The following CNOT4 variants were observed in gnomAD, a reference collection of about 807,000 sequenced individuals.
The protein encoded by CNOT4 is CCR4-associated factor 4.
A neutral mutation model predicts 73.8 loss-of-function variants in CNOT4; 8 were observed. That is an observed-to-expected ratio of 0.11 (90% CI 0.06 to 0.20). The LOEUF is 0.20. Among genes scored for constraint, CNOT4 ranks in the 10% least tolerant of loss-of-function variants. The pLI is 1.00. For synonymous variants in CNOT4, 293 were observed against 321.1 expected (o/e 0.91, Z 0.94); for missense variants, 564 against 883.4 (o/e 0.64, Z 4.58).
In CNOT4 at chr7:135,371,188, C is replaced by T. The variant is rs112277937; in HGVS notation, c.1628-7122G>A. Among the ~76,000 whole-genome samples, 4 of 152,220 alleles carry T rather than the reference C, an allele frequency of 2.6e-5. 1 individual carries two copies. Among genetic ancestry groups the T allele is most frequent in the African/African-American group, 9.6e-5 (4 of 41,532 alleles). Reference sequence around the variant, plus strand: ...GCACTGTAGTTTAAAGAATTTGTCCCAGGTTATGGAGTTAAAGTGTTGCAG... The same window carrying T: ...GCACTGTAGTTTAAAGAATTTGTCCTAGGTTATGGAGTTAAAGTGTTGCAG... On this transcript the variant is annotated intron_variant, in intron 10 of 11. Coordinates refer to ENST00000541284, the MANE Select transcript of CNOT4 (RefSeq NM_001190850.2).
chr7:135,491,842 T>C (rs1448742494), intron 1 of CNOT4, among the ~76,000 whole-genome samples: 2 of 151,948 alleles, frequency 1.3e-5, no homozygotes, highest in African/African-American at 4.8e-5. Context: ...TCTATAGGAG[T>C]TACATACTAC....
At chr7:135,490,402 G>A (rs1803029101) in intron 1 of CNOT4, among the ~76,000 whole-genome samples, 1 of 152,178 alleles carries the variant, frequency 6.6e-6, no homozygotes, top group African/African-American at 2.4e-5. Context: ...TCTTGGCAGA[G>A]GTTGGAGGAA....
intron 1 of CNOT4, among the ~76,000 whole-genome samples, chr7:135,463,284 TCCCAGCA>T (rs1157084828): frequency 2.0e-5 from 3 of 152,140 alleles, no homozygotes; most frequent in African/African-American, 7.2e-5. Flanking sequence ...ATGCCTGTAA[TCCCAGCA>T]CTTTGGGAGG....
At chr7:135,406,969 G>A (rs1374061266) in intron 7 of CNOT4, among the ~76,000 whole-genome samples, 3 of 152,224 alleles carry the variant, frequency 2.0e-5, no homozygotes, top group African/African-American at 7.2e-5. Context: ...ATAATCCCCA[G>A]TGTTGAAGGT....
At chr7:135,492,415 A>G (rs1803169039) in intron 1 of CNOT4, among the ~76,000 whole-genome samples, 1 of 152,242 alleles carries the variant, frequency 6.6e-6, no homozygotes, top group Non-Finnish European at 1.5e-5. Flanking sequence ...AGGCATATGC[A>G]ATATGACTGG....
At chr7:135,420,577 C>CAAAAAAA in intron 3 of CNOT4, among the ~76,000 whole-genome samples, 1 of 53,370 alleles carries the variant, frequency 1.9e-5, no homozygotes, top group Non-Finnish European at 3.5e-5. Flanking sequence ...ACCATGTCTC[C>CAAAAAAA]AAAAAAAAAA....
chr7:135,466,509 T>C (rs1369348205), intron 1 of CNOT4, among the ~76,000 whole-genome samples: 1 of 150,728 alleles, frequency 6.6e-6, no homozygotes, highest in Non-Finnish European at 1.5e-5. Flanking sequence ...AATATAAAAA[T>C]GTTAAAGCAG....
At chr7:135,472,923 C>T (rs996868758) in intron 1 of CNOT4, among the ~76,000 whole-genome samples, 7 of 151,870 alleles carry the variant, frequency 4.6e-5, no homozygotes, top group Non-Finnish European at 7.4e-5. Context: ...TGCCTACAGT[C>T]CCAGCTACAT....
chr7:135,385,650 C>G (rs1041681819), intron 10 of CNOT4, among the ~76,000 whole-genome samples: 1 of 152,116 alleles, frequency 6.6e-6, no homozygotes, highest in African/African-American at 2.4e-5. Context: ...TTTCACCTCC[C>G]TCCAAATTAT....
intron 10 of CNOT4, among the ~76,000 whole-genome samples, chr7:135,367,999 G>T (rs1181478519): frequency 6.6e-6 from 1 of 152,076 alleles, no homozygotes; most frequent in Non-Finnish European, 1.5e-5. Flanking sequence ...ATATAAATAT[G>T]TACAACAAAA....
In CNOT4 at chr7:135,440,331, T is replaced by G. The variant is rs1295489878; in HGVS notation, c.-92-1908A>C. Among the ~76,000 whole-genome samples the G allele has an allele frequency of 3.6e-5, 5 of 139,382 alleles. No homozygotes were observed. In the East Asian group the frequency reaches 7.9e-4, roughly 22 times the overall value. The allele number at this position is 139,382 out of a possible 152,430, so 91.4% of individuals were successfully genotyped here. On this transcript the variant is annotated intron_variant, in intron 1 of 11. Transcript: ENST00000541284. ...ATCTTTAGTTAACAGCCAGGTAACTTTTTTTTTTTTTTTACCCCATCAGCC... is the reference window on the plus strand; with the variant it reads ...ATCTTTAGTTAACAGCCAGGTAACTGTTTTTTTTTTTTTACCCCATCAGCC...
intron 1 of CNOT4, among the ~76,000 whole-genome samples, chr7:135,504,676 CG>C (rs1399571915): frequency 8.4e-6 from 1 of 119,084 alleles, no homozygotes; most frequent in Non-Finnish European, 1.8e-5. Context: ...TTAGTAGAGA[CG>C]GGGTTTCACC....
At chr7:135,455,474 T>C (rs1800468265) in intron 1 of CNOT4, among the ~76,000 whole-genome samples, 1 of 151,784 alleles carries the variant, frequency 6.6e-6, no homozygotes, top group Non-Finnish European at 1.5e-5. Flanking sequence ...AAAATAAAAG[T>C]CTACCAACCA....
chr7:135,470,605 G>A (rs1419419632), intron 1 of CNOT4, among the ~76,000 whole-genome samples: 5 of 151,184 alleles, frequency 3.3e-5, no homozygotes, highest in Admixed American at 3.3e-4. Context: ...CCATCAACAT[G>A]TAAATGAATA....
intron 1 of CNOT4, among the ~76,000 whole-genome samples, chr7:135,463,787 G>A (rs895901380): frequency 6.6e-6 from 1 of 151,910 alleles, no homozygotes; most frequent in Non-Finnish European, 1.5e-5. Context: ...CTATGCATCT[G>A]ACAAAGGTCT....
intron 10 of CNOT4, among the ~76,000 whole-genome samples, chr7:135,390,473 C>T (rs1455143424): frequency 4.6e-5 from 7 of 152,012 alleles, no homozygotes; most frequent in Admixed American, 4.6e-4. Flanking sequence ...AATGAATTTA[C>T]TGTAACTGCC....
At chr7:135,383,894 G>A (rs1795973605) in intron 10 of CNOT4, among the ~76,000 whole-genome samples, 1 of 152,150 alleles carries the variant, frequency 6.6e-6, no homozygotes, top group Non-Finnish European at 1.5e-5. Context: ...TTTCAATGTG[G>A]TCTTCTTGAA....
chr7:135,492,565 G>A (rs1044573788), intron 1 of CNOT4, among the ~76,000 whole-genome samples: 1 of 152,150 alleles, frequency 6.6e-6, no homozygotes, highest in Non-Finnish European at 1.5e-5. Context: ...AGAATGGGCT[G>A]AAAAGACAGC....
intron 7 of CNOT4, among the ~76,000 whole-genome samples, chr7:135,406,180 C>T (rs1359244707): frequency 2.6e-5 from 4 of 152,056 alleles, no homozygotes; most frequent in Non-Finnish European, 5.9e-5. Flanking sequence ...GAAGTGGAAA[C>T]CAAAGCAGAC....
Sources: allele counts gnomAD v4.1 joint callset (sites outside exome capture counted in the v4.1 genomes callset), GRCh38; gene constraint gnomAD v4.1.1; transcripts MANE v1.5; gene names NCBI Gene and HGNC (gene_info 2026-07-23, HGNC 2026-07-21).